The following NFIX variants were observed in gnomAD, a reference collection of about 807,000 sequenced individuals.
The protein encoded by NFIX is nuclear factor 1 X-type.
In NFIX, 2 loss-of-function variants were observed where a neutral mutation model predicts 53.3. The ratio of observed to expected loss-of-function variants is 0.04; its 90% confidence interval spans 0.02 to 0.12. The LOEUF (loss-of-function observed/expected upper bound fraction) is 0.12. NFIX is among the 10% of genes least tolerant of loss of function. The pLI, the probability that NFIX is intolerant of heterozygous loss-of-function variation, is 1.00. For synonymous variants in NFIX, 244 were observed against 289.0 expected (o/e 0.84, Z 1.58); for missense variants, 310 against 674.5 (o/e 0.46, Z 5.99).
intron 2 of NFIX, among the ~76,000 whole-genome samples, chr19:13,061,090 C>A (rs893952725): frequency 7.4e-6 from 1 of 134,880 alleles, no homozygotes; most frequent in Non-Finnish European, 1.6e-5. Flanking sequence ...AGACCCCCCC[C>A]TCCCCCCCAA....
Position 13,045,533 on chromosome 19 carries a change from G to A in NFIX, c.559+19981G>A, listed in dbSNP as rs1484648197. ...TTGAGAAACCCTGACTGAGGCCAAG[G>A]AAAGGAACGGCAGCAGGGCAAGCCA... On this transcript the variant is annotated intron_variant, in intron 2 of 10. Transcript: ENST00000592199. This position sits in a 1 kb window ranked among gnomAD's most constrained non-coding sequence, Gnocchi z 4.4. Among the ~76,000 whole-genome samples, 1 of 152,160 alleles carries A rather than the reference G, an allele frequency of 6.6e-6. No homozygotes were observed. Among genetic ancestry groups the A allele is most frequent in the East Asian group, 1.9e-4 (1 of 5,196 alleles).
At chr19:13,054,443 A>T (rs903863974) in intron 2 of NFIX, among the ~76,000 whole-genome samples, 2 of 151,542 alleles carry the variant, frequency 1.3e-5, no homozygotes, top group Non-Finnish European at 1.5e-5. Flanking sequence ...CTGGGTTCCT[A>T]GGGGGCTGGA....
intron 1 of NFIX, among the ~76,000 whole-genome samples, chr19:13,003,394 A>G (rs2011831501): frequency 6.6e-6 from 1 of 152,150 alleles, no homozygotes; most frequent in Non-Finnish European, 1.5e-5. Flanking sequence ...CAGCACAGAC[A>G]CAGGCTCTGC....
chr19:13,005,236 A>T lies in NFIX; in HGVS notation c.27+9372A>T, dbSNP rs2011952382. 6.6e-6 allele frequency among the ~76,000 whole-genome samples: 1 copy of T among 152,244 alleles called. No homozygotes were observed. On this transcript the variant is annotated intron_variant, in intron 1 of 10. Transcript: ENST00000592199. The surrounding 1 kb of genome is among the most constrained non-coding windows in gnomAD (Gnocchi z 4.7). ...AGACAGCGGTCAGCAGAATGGTAGA[A>T]GAAGATAGGATAATAGCAAAATAAA...
intron 2 of NFIX, among the ~76,000 whole-genome samples, chr19:13,031,602 C>T (rs1414222063): frequency 6.6e-6 from 1 of 152,166 alleles, no homozygotes; most frequent in Non-Finnish European, 1.5e-5. Flanking sequence ...GTGTACCTGG[C>T]AGGCTTTGGG....
rs2016008708 is a variant in NFIX, at chr19:13,060,558, G to C, written c.560-12489G>C. ...AAGCTGCTAATGGCTGGTAGTATGGGTGTCCAAGGACCTGTTGGAGGAGCC... is the reference window on the plus strand; with the variant it reads ...AAGCTGCTAATGGCTGGTAGTATGGCTGTCCAAGGACCTGTTGGAGGAGCC... On this transcript the variant is annotated intron_variant, in intron 2 of 10. Coordinates refer to ENST00000592199, the MANE Select transcript of NFIX (RefSeq NM_001365902.3). This position sits in a 1 kb window ranked among gnomAD's most constrained non-coding sequence, Gnocchi z 4.3. Among the ~76,000 whole-genome samples the C allele has an allele frequency of 6.6e-6, 1 of 152,240 alleles. No individual in the cohort carries two copies. Among genetic ancestry groups the C allele is most frequent in the Non-Finnish European group, 1.5e-5 (1 of 68,044 alleles).
chr19:13,035,151 T>C (rs1230960870), intron 2 of NFIX, among the ~76,000 whole-genome samples: 2 of 152,214 alleles, frequency 1.3e-5, no homozygotes, highest in Non-Finnish European at 2.9e-5. Flanking sequence ...TCAGACAGAA[T>C]GCCACCTGTG....
chr19:13,086,968 C>T (rs369033138), intron 8 of NFIX, among the ~76,000 whole-genome samples: 28 of 152,300 alleles, frequency 1.8e-4, no homozygotes, highest in African/African-American at 5.1e-4. Context: ...TCCGGGTGCC[C>T]GGAAGGGCGG....
Position 13,081,849 on chromosome 19 carries a change from C to T in NFIX, c.1248C>T (p.Thr416=), listed in dbSNP as rs372077833. The part of the protein sequence containing the change: ...FVCSDGSGQA[T]GQPNGSGQGK... ...GCTCGGATGGCTCGGGCCAGGCCAC[C>T]GGACAGGTGAGTCCAGAGGGCCCCA... Residue 416 remains threonine (T), a synonymous_variant, in exon 8 of 11, where the codon ACC becomes ACT. Coordinates refer to ENST00000592199, the MANE Select transcript of NFIX (RefSeq NM_001365902.3). This position sits in a 1 kb window ranked among gnomAD's most constrained non-coding sequence, Gnocchi z 4.7. The T allele has an allele frequency of 5.6e-6, 9 of 1,613,754 alleles. No individual in the cohort carries two copies. The highest frequency in any genetic ancestry group is 1.1e-5 in the South Asian group (1 of 91,070).
rs775426917 is a variant in NFIX, at chr19:13,090,352, C to T, written c.1456C>T (p.Arg486Trp). The change falls in exon 10 of 11, where the codon CGG becomes TGG. Residue 486 changes from arginine to tryptophan, a missense_variant. Transcript: ENST00000592199. The surrounding 1 kb of genome is among the most constrained non-coding windows in gnomAD (Gnocchi z 6.6). Reference sequence around the variant, plus strand: ...CAACCGGTTTGTCAGCATCGGACCCCGGGACGGCAACTTTCTGAACATCCC... The same window carrying T: ...CAACCGGTTTGTCAGCATCGGACCCTGGGACGGCAACTTTCTGAACATCCC... ...SANRFVSIGP[R>W]DGNFLNIPQQ... The T allele has an allele frequency of 5.6e-6, 9 of 1,613,950 alleles. No homozygotes were observed. The highest frequency in any genetic ancestry group is 2.2e-5 in the East Asian group (1 of 44,876).
rs1194376687 is a variant in NFIX at position 13,096,026 on chromosome 19, CAAGG to C, written c.*1378_*1381del. On this transcript the variant is annotated 3_prime_UTR_variant, in exon 11 of 11. Coordinates refer to ENST00000592199, the MANE Select transcript of NFIX (RefSeq NM_001365902.3). ...TCTCCCCCCCAGCCCCCTCCTCCCT[CAAGG>C]GAGGGTTGGGGGGCCTGTCCAGAGG... The C allele has an allele frequency of 2.6e-5, 4 of 152,446 alleles. No homozygotes were observed. The highest frequency in any genetic ancestry group is 9.7e-5 in the African/African-American group (4 of 41,442). 9.4% of individuals were successfully genotyped at this position (152,446 alleles called of 1,614,324 possible).
chr19:13,048,043 C>T (rs1260166020), intron 2 of NFIX, among the ~76,000 whole-genome samples: 1 of 152,206 alleles, frequency 6.6e-6, no homozygotes, highest in Non-Finnish European at 1.5e-5. Context: ...AAGCCCATGA[C>T]AGTCCAGTGA....
rs972264520 is a variant in NFIX, at chr19:13,081,887, C to T, written c.1254+32C>T. The T allele has an allele frequency of 1.9e-6, 3 of 1,610,076 alleles. No homozygotes were observed. Among genetic ancestry groups the T allele is most frequent in the Non-Finnish European group, 2.5e-6 (3 of 1,177,872 alleles). On this transcript the variant is annotated intron_variant, in intron 8 of 10. Transcript: ENST00000592199. The surrounding 1 kb of genome is among the most constrained non-coding windows in gnomAD (Gnocchi z 4.7). ...CCAGAGGGCCCCAGGAGCCCGGCTA[C>T]AGCCTCATCTCCACATCTATCTGTC...
At chr19:13,086,953 T>C (rs2017815594) in intron 8 of NFIX, among the ~76,000 whole-genome samples, 1 of 152,220 alleles carries the variant, frequency 6.6e-6, no homozygotes, top group Admixed American at 6.5e-5. Context: ...TCTCTGGGTC[T>C]CGCATCCGGG....
At position 13,005,816 on chromosome 19, in the gene NFIX, C is replaced by T. The variant is rs1482867093; in HGVS notation, c.27+9952C>T. ...TTTCTTACCACTCTGACCTTTGGATCTTCTTCCATCCAAGGCTCAGAATAA... is the reference window on the plus strand; with the variant it reads ...TTTCTTACCACTCTGACCTTTGGATTTTCTTCCATCCAAGGCTCAGAATAA... On this transcript the variant is annotated intron_variant, in intron 1 of 10. Transcript: ENST00000592199. This position sits in a 1 kb window ranked among gnomAD's most constrained non-coding sequence, Gnocchi z 4.7. 6.6e-6 allele frequency among the ~76,000 whole-genome samples: 1 copy of T among 152,198 alleles called. No homozygotes were observed. The highest frequency in any genetic ancestry group is 1.5e-5 in the Non-Finnish European group (1 of 68,044).
rs1791827043 is a variant in NFIX at position 13,025,713 on chromosome 19, T to G, written c.559+161T>G. Among the ~76,000 whole-genome samples the G allele has an allele frequency of 6.6e-6, 1 of 152,206 alleles. No individual in the cohort carries two copies. Among genetic ancestry groups the G allele is most frequent in the African/African-American group, 2.4e-5 (1 of 41,450 alleles). Reference sequence around the variant, plus strand: ...AACACGGTTCTATGGGCCCTTTTCCTTTTTCCTGTCTTCTGTCTCCCCCGA... The same window carrying G: ...AACACGGTTCTATGGGCCCTTTTCCGTTTTCCTGTCTTCTGTCTCCCCCGA... On this transcript the variant is annotated intron_variant, in intron 2 of 10. Transcript: ENST00000592199. The surrounding 1 kb of genome is among the most constrained non-coding windows in gnomAD (Gnocchi z 7.5).
intron 2 of NFIX, among the ~76,000 whole-genome samples, chr19:13,039,047 A>G (rs1395828660): frequency 6.6e-6 from 1 of 152,184 alleles, no homozygotes; most frequent in South Asian, 2.1e-4. Flanking sequence ...CCATGGAGCA[A>G]TAATCCTCAG....
Position 13,001,256 on chromosome 19 carries a change from C to A in NFIX, c.27+5392C>A, listed in dbSNP as rs149822740. On this transcript the variant is annotated intron_variant, in intron 1 of 10. Transcript: ENST00000592199. This position sits in a 1 kb window ranked among gnomAD's most constrained non-coding sequence, Gnocchi z 6.5. ...TCAGGCCTCAGAGCCACCATTTTCC[C>A]GAGGATGTCTGTGTGGCAGCGTGTG... 2.4e-4 allele frequency among the ~76,000 whole-genome samples: 36 copies of A among 152,296 alleles called. No individual in the cohort carries two copies. The highest frequency in any genetic ancestry group is 4.6e-4 in the Admixed American group (7 of 15,290).
intron 2 of NFIX, among the ~76,000 whole-genome samples, chr19:13,047,675 G>C (rs1474828508): frequency 6.6e-6 from 1 of 152,194 alleles, no homozygotes; most frequent in Non-Finnish European, 1.5e-5. Context: ...GGAAGCATAG[G>C]ATAAGGAGGC....
Sources: gnomAD v4.1 joint callset for allele counts (sites outside exome capture counted in the v4.1 genomes callset) on GRCh38, gnomAD v4.1.1 for gene constraint, Gnocchi (gnomAD v3.1) non-coding constraint, MANE v1.5 for transcripts, NCBI Gene and HGNC (gene_info 2026-07-23, HGNC 2026-07-21) for gene names.